Variants in HK3 observed in about 807,000 individuals in gnomAD.
HK3 encodes the protein hexokinase-3.
A neutral mutation model predicts 91.0 loss-of-function variants in HK3; 93 were observed. That is an observed-to-expected ratio of 1.02 (90% CI 0.86 to 1.21). The LOEUF (loss-of-function observed/expected upper bound fraction) is 1.21, where lower values mean the gene tolerates loss of function less well. HK3 is among the 50% of genes most tolerant of loss of function. HK3 has a pLI of 0.00. For synonymous variants in HK3, 519 were observed against 516.9 expected (o/e 1.00, Z -0.06); for missense variants, 1,235 against 1,247.4 (o/e 0.99, Z 0.15).
Position 176,887,536 on chromosome 5 carries a change from C to T in HK3, c.1515G>A (p.Arg505=), listed in dbSNP as rs1334021520. ...CTCGGAGCCCCTTGGCCATGGCCTTCCGCATCTGTGCCTGAACCGCAGCCA... is the reference window on the plus strand; with the variant it reads ...CTCGGAGCCCCTTGGCCATGGCCTTTCGCATCTGTGCCTGAACCGCAGCCA... ...DQLAAVQAQM[R]KAMAKGLRGE... The change falls in exon 11 of 19, where the codon CGG becomes CGA. Residue 505 remains arginine (R), a synonymous_variant. Transcript: ENST00000292432. The surrounding 1 kb of genome is among the most constrained non-coding windows in gnomAD (Gnocchi z 4.9). 9 of 1,613,736 alleles carry T rather than the reference C, an allele frequency of 5.6e-6. No individual in the cohort carries two copies. The highest frequency in any genetic ancestry group is 7.6e-6 in the Non-Finnish European group (9 of 1,180,012).
In HK3 at chr5:176,887,895, C is replaced by A; in HGVS notation, c.1305-149G>T. The A allele has an allele frequency of 1.4e-6, 1 of 707,410 alleles. No individual in the cohort carries two copies. The highest frequency in any genetic ancestry group is 2.3e-6 in the Non-Finnish European group (1 of 432,708). 43.8% of individuals were successfully genotyped at this position (707,410 alleles called of 1,614,324 possible). On this transcript the variant is annotated intron_variant, in intron 10 of 18. Transcript: ENST00000292432. The surrounding 1 kb of genome is among the most constrained non-coding windows in gnomAD (Gnocchi z 4.9). Reference sequence around the variant, plus strand: ...GGCCTCCTGAAGCCCAAGGCCCCATCACTTTTTTTTTTTTATTTTTGTAGA... The same window carrying A: ...GGCCTCCTGAAGCCCAAGGCCCCATAACTTTTTTTTTTTTATTTTTGTAGA...
chr5:176,882,250 T>C (rs1758457934), intron 15 of HK3, 123 bp from the exon 16 acceptor site: 2 of 1,018,802 alleles, frequency 2.0e-6, no homozygotes, highest in Non-Finnish European at 1.4e-6. Context: ...GCTCACAGCC[T>C]GTCCCTGGTC....
chr5:176,885,614 G>C (rs1758565204), intron 13 of HK3, among the ~76,000 whole-genome samples: 1 of 151,964 alleles, frequency 6.6e-6, no homozygotes, highest in Admixed American at 6.6e-5. Flanking sequence ...TAGAGATGGG[G>C]TTTCAGCATC....
Position 176,883,771 on chromosome 5 carries a change from G to A in HK3, c.2052C>T (p.Val684=), listed in dbSNP as rs764452797. 25 of 1,612,404 alleles carry A rather than the reference G, an allele frequency of 1.6e-5. No individual in the cohort carries two copies. The highest frequency in any genetic ancestry group is 2.2e-5 in the South Asian group (2 of 91,050). Residue 684 remains valine (V), a splice_region_variant and synonymous_variant, in exon 15 of 19, where the codon GTC becomes GTT. Transcript: ENST00000292432. ...ATGAAAGGGCAGGGCCCTCCTCACC[G>A]ACAATGAGGCCTATCTCGCAACGGG... ...EDPRCEIGLI[V]GTGTNACYME...
Position 176,890,742 on chromosome 5 carries a change from G to A in HK3, c.535-12C>T, listed in dbSNP as rs522150. The A allele has an allele frequency of 0.043, 68,855 of 1,614,076 alleles. 4,283 individuals carry two copies. Among genetic ancestry groups the A allele is most frequent in the African/African-American group, 0.28 (20,634 of 74,928 alleles). ...GAAATGAGGGTGCTCTGGAGGTAGA[G>A]AAGCTGGGTTACTCCTCTGACGGCC... On this transcript the variant is annotated splice_polypyrimidine_tract_variant and intron_variant, in intron 5 of 18. Coordinates refer to ENST00000292432, the MANE Select transcript of HK3 (RefSeq NM_002115.3).
At chr5:176,886,832 C>A (rs369735700) in intron 13 of HK3, among the ~76,000 whole-genome samples, 170 bp downstream of exon 13, 72 of 152,200 alleles carry the variant, frequency 4.7e-4, no homozygotes, top group African/African-American at 1.7e-3. Context: ...CTGGGCCTAC[C>A]CTGTCTGGGG....
chr5:176,891,506 T>C lies in HK3; in HGVS notation c.141A>G (p.Leu47=). ...LQQFKVTRAQ[L]QQIQASLLGS... The stretch of plus-strand genomic sequence containing the variant: ...CCAAGAGGCTGGCTTGGATCTGCTG[T>C]AGCTGTGCCCTTGTCACCTTGAACT... The change falls in exon 3 of 19, where the codon CTA becomes CTG. Residue 47 remains leucine, a synonymous_variant. Transcript: ENST00000292432. 1 of 1,614,160 alleles carries C rather than the reference T, an allele frequency of 6.2e-7. No individual in the cohort carries two copies.
Position 176,888,531 on chromosome 5 carries a change from G to C in HK3, c.1105C>G (p.Leu369Val). 1 of 1,557,504 alleles carries C rather than the reference G, an allele frequency of 6.4e-7. No homozygotes were observed. Among genetic ancestry groups the C allele is most frequent in the South Asian group, 1.2e-5 (1 of 85,240 alleles). The change falls in exon 10 of 19, where the codon CTG (leucine) becomes GTG (valine). Residue 369 changes from leucine (L) to valine (V), a missense_variant. By Grantham distance (32) the Leu-to-Val change is conservative. Coordinates refer to ENST00000292432, the MANE Select transcript of HK3 (RefSeq NM_002115.3). ...CCAGGGCTCAGGCCCAAGTCCTGCA[G>C]GATAGCATGGACACGGGCTGCCCCA... The part of the protein sequence containing the change: ...STGAARVHAI[L>V]QDLGLSPGAS...
chr5:176,882,021 G>A lies in HK3; in HGVS notation c.2160C>T (p.Asp720=), dbSNP rs371103424. The A allele has an allele frequency of 2.6e-5, 42 of 1,613,282 alleles. No individual in the cohort carries two copies. Among genetic ancestry groups the A allele is most frequent in the East Asian group, 4.5e-5 (2 of 44,874 alleles). Residue 720 remains aspartate, a synonymous_variant, in exon 16 of 19, where the codon GAC becomes GAT. Transcript: ENST00000292432. ...TGCTGAGCATGGCCAGAGAGCCATC[G>A]TCCCCAAAGGCGCCCCACTCCATGT... The part of the protein sequence containing the change: ...CINMEWGAFG[D]DGSLAMLSTR...
chr5:176,894,922 G>T, intron 2 of HK3, among the ~76,000 whole-genome samples: 1 of 144,188 alleles, frequency 6.9e-6, no homozygotes, highest in South Asian at 2.3e-4. Context: ...GACTACAGGC[G>T]CCTGCCACCA....
Position 176,884,148 on chromosome 5 carries a change from G to A in HK3, c.1858-14C>T, listed in dbSNP as rs376683525. On this transcript the variant is annotated splice_polypyrimidine_tract_variant and intron_variant, in intron 13 of 18. Transcript: ENST00000292432. This position sits in a 1 kb window ranked among gnomAD's most constrained non-coding sequence, Gnocchi z 4.1. Reference sequence around the variant, plus strand: ...CAGGAGGATGCCCTGGGGTGAGACCGAGAGGAAGTGGCAGGAAGCTGGAGG... The same window carrying A: ...CAGGAGGATGCCCTGGGGTGAGACCAAGAGGAAGTGGCAGGAAGCTGGAGG... 2.5e-4 allele frequency: 404 copies of A among 1,609,610 alleles called. No homozygotes were observed. The highest frequency in any genetic ancestry group is 3.1e-4 in the Non-Finnish European group (370 of 1,176,166).
Position 176,887,630 on chromosome 5 carries a change from G to A in HK3, c.1421C>T (p.Ala474Val), listed in dbSNP as rs1758634923. ...CAGGCGCCGGTGGGCAGCCAGACGGGCAGCCACGGCAGTCACCATCGCCAC... is the reference window on the plus strand; with the variant it reads ...CAGGCGCCGGTGGGCAGCCAGACGGACAGCCACGGCAGTCACCATCGCCAC... ...RGVAMVTAVA[A>V]RLAAHRRLLE... Residue 474 changes from alanine (A) to valine (V), a missense_variant, in exon 11 of 19, where the codon GCC becomes GTC. Physicochemically the swap from Ala to Val is moderately conservative, Grantham distance 64. This residue lies in a region of HK3 where 717 missense variants were observed against 751.6 expected (regional missense o/e 0.95). Transcript: ENST00000292432. This position sits in a 1 kb window ranked among gnomAD's most constrained non-coding sequence, Gnocchi z 4.9. 3 of 1,613,522 alleles carry A rather than the reference G, an allele frequency of 1.9e-6. No homozygotes were observed. In the African/African-American group the frequency reaches 4.0e-5, roughly 22 times the overall value.
chr5:176,898,842 C>G (rs1038903776), intron 1 of HK3, among the ~76,000 whole-genome samples: 2 of 152,188 alleles, frequency 1.3e-5, no homozygotes, highest in African/African-American at 4.8e-5. Context: ...CATCGAGAAC[C>G]AGCTGGCAGG....
intron 1 of HK3, among the ~76,000 whole-genome samples, chr5:176,896,710 C>T (rs917474115): frequency 3.9e-5 from 6 of 152,190 alleles, no homozygotes; most frequent in South Asian, 2.1e-4. Flanking sequence ...CAGGCTAAGG[C>T]ACATGAATTT....
intron 2 of HK3, among the ~76,000 whole-genome samples, chr5:176,894,393 T>C (rs752270434): frequency 8.5e-5 from 13 of 152,180 alleles, no homozygotes; most frequent in Non-Finnish European, 1.5e-4. Flanking sequence ...CGAAAGGGAT[T>C]CTTTCAACCG....
intron 2 of HK3, among the ~76,000 whole-genome samples, chr5:176,893,482 C>T (rs531822751): frequency 6.6e-6 from 1 of 152,248 alleles, no homozygotes; most frequent in East Asian, 1.9e-4. Context: ...ACTTGGAAGT[C>T]CCCCAATGCC....
In HK3 at chr5:176,891,019, T is replaced by G; in HGVS notation, c.414+18A>C. ...AGCCAGGCCCCCAGACCCCAGAGGC[T>G]GGGCAGTGAGTGCTTACCTGCTGGC... On this transcript the variant is annotated intron_variant, in intron 4 of 18. Transcript: ENST00000292432. 1.2e-6 allele frequency: 2 copies of G among 1,613,908 alleles called. No individual in the cohort carries two copies. Among genetic ancestry groups the G allele is most frequent in the Non-Finnish European group, 8.5e-7 (1 of 1,179,928 alleles).
At chr5:176,888,303 T>C in intron 10 of HK3, 29 bp downstream of exon 10, 2 of 1,528,130 alleles carry the variant, frequency 1.3e-6, no homozygotes, top group Non-Finnish European at 1.8e-6. Flanking sequence ...TCATGCCAAC[T>C]AATCATGCGG....
chr5:176,882,074 G>T lies in HK3; in HGVS notation c.2107C>A (p.Pro703Thr). ...ATGCACATGCGGCCTGAGTCCCCAG[G>T]CACGCCCGCCACATTCCGGAGCTCC... ...MEELRNVAGV[P>T]GDSGRMCINM... Residue 703 changes from proline to threonine, a missense_variant, in exon 16 of 19, where the codon CCT (proline) becomes ACT (threonine). Physicochemically the swap from Pro to Thr is conservative, Grantham distance 38 (BLOSUM62 -1). This residue lies in a region of HK3 where 513 missense variants were observed against 477.4 expected (regional missense o/e 1.07). Transcript: ENST00000292432. The T allele has an allele frequency of 6.2e-7, 1 of 1,612,816 alleles. No homozygotes were observed. The highest frequency in any genetic ancestry group is 8.5e-7 in the Non-Finnish European group (1 of 1,180,004).
Sources: allele counts gnomAD v4.1 joint callset (sites outside exome capture counted in the v4.1 genomes callset), GRCh38; gene constraint gnomAD v4.1.1; regional missense constraint gnomAD v4.1.1; non-coding constraint Gnocchi (gnomAD v3.1); transcripts MANE v1.5; gene names NCBI Gene and HGNC (gene_info 2026-07-23, HGNC 2026-07-21).